Variants in RANBP2 observed in about 807,000 individuals in gnomAD.
RANBP2 encodes E3 SUMO-protein ligase RanBP2.
RANBP2 carries 57 observed loss-of-function variants against 303.6 expected under a neutral mutation model. The observed-to-expected ratio is 0.19, with a 90% CI of 0.15 to 0.23. The LOEUF is 0.23. Among genes scored for constraint, RANBP2 ranks in the 10% least tolerant of loss-of-function variants. The pLI is 1.00. For synonymous variants in RANBP2, 1,167 were observed against 1,301.5 expected (o/e 0.90, Z 2.23); for missense variants, 3,138 against 3,780.8 (o/e 0.83, Z 4.46).
At chr2:109,130,385 T>C in the RANBP2 span, among the ~76,000 whole-genome samples, 2 of 152,222 alleles carry the variant, frequency 1.3e-5, no homozygotes, top group Admixed American at 6.5e-5. Context: ...CCGGACTTGT[T>C]ACCCTGCCTC....
chr2:108,736,896 T>A (rs2149134446), intron 6 of RANBP2, among the ~76,000 whole-genome samples: 1 of 152,228 alleles, frequency 6.6e-6, no homozygotes, highest in Non-Finnish European at 1.5e-5. Context: ...GAATGCAGCA[T>A]GCCTCTGTTT....
At chr2:109,340,601 C>G in the RANBP2 span, among the ~76,000 whole-genome samples, 22 of 152,202 alleles carry the variant, frequency 1.4e-4, no homozygotes, top group Admixed American at 1.3e-4. Context: ...AAGCATCTGC[C>G]TTTCCTGGCC....
chr2:109,472,125 AAT>A, the RANBP2 span, among the ~76,000 whole-genome samples: 1 of 152,236 alleles, frequency 6.6e-6, no homozygotes, highest in Non-Finnish European at 1.5e-5. Context: ...TTAATTAGTT[AAT>A]ATGATTAACA....
chr2:109,020,319 T>C, the RANBP2 span, among the ~76,000 whole-genome samples: 1 of 152,098 alleles, frequency 6.6e-6, no homozygotes, highest in Non-Finnish European at 1.5e-5. Flanking sequence ...ACAGGCACCT[T>C]ATGATAACCC....
chr2:109,500,419 G>A, the RANBP2 span, among the ~76,000 whole-genome samples: 20,832 of 152,106 alleles, frequency 0.14, 1,555 homozygotes, highest in East Asian at 0.21. Context: ...GGTCCCTGCA[G>A]GCGGAGGCCA....
At chr2:108,927,093 C>G in the RANBP2 span, among the ~76,000 whole-genome samples, 224 of 152,318 alleles carry the variant, frequency 1.5e-3, 1 homozygote, top group African/African-American at 5.1e-3. Context: ...AGGCTTTGAG[C>G]AGACACAGCA....
chr2:109,175,403 G>A, the RANBP2 span, among the ~76,000 whole-genome samples: 2 of 152,348 alleles, frequency 1.3e-5, no homozygotes, highest in Non-Finnish European at 2.9e-5. Context: ...AGGCACACTT[G>A]GAAATAAATG....
chr2:109,030,678 T>A, the RANBP2 span, among the ~76,000 whole-genome samples: 1 of 152,178 alleles, frequency 6.6e-6, no homozygotes, highest in African/African-American at 2.4e-5. Context: ...CCCTCAGGCA[T>A]CTGAATTTTT....
In RANBP2 at chr2:108,766,183, T is replaced by C; in HGVS notation, c.5644T>C (p.Phe1882Leu). 1 of 1,612,332 alleles carries C rather than the reference T, an allele frequency of 6.2e-7. No individual in the cohort carries two copies. The stretch of plus-strand genomic sequence containing the variant: ...GTTTCAGGGTTCTTCTAATACAGAA[T>C]TTAAGTCAACCAAAGAAGGATTTTC... ...FMFQGSSNTE[F>L]KSTKEGFSIP... Residue 1882 changes from phenylalanine to leucine, a missense_variant, in exon 20 of 29, where the codon TTT (phenylalanine) becomes CTT (leucine). By Grantham distance (22) the Phe-to-Leu change is conservative. Around this residue, in one of 20 missense-constraint regions of RANBP2, gnomAD observed 348 missense variants for 360.4 expected, o/e 0.97. Transcript: ENST00000283195.
the RANBP2 span, among the ~76,000 whole-genome samples, chr2:109,099,745 A>G: frequency 6.6e-6 from 1 of 152,140 alleles, no homozygotes; most frequent in Non-Finnish European, 1.5e-5. Flanking sequence ...AGGAGTCCAC[A>G]TCGTTTTTGC....
chr2:109,491,076 G>T, the RANBP2 span: 2 of 773,452 alleles, frequency 2.6e-6, no homozygotes, highest in Non-Finnish European at 3.7e-6. Context: ...GATCCACATG[G>T]TCCCGAGCTT....
chr2:108,871,996 C>T, the RANBP2 span, among the ~76,000 whole-genome samples: 3 of 152,112 alleles, frequency 2.0e-5, no homozygotes, highest in African/African-American at 7.2e-5. Context: ...TTTAATTCCC[C>T]TCTCTCACAC....
the RANBP2 span, among the ~76,000 whole-genome samples, chr2:109,563,114 T>A: frequency 6.6e-6 from 1 of 152,156 alleles, no homozygotes; most frequent in East Asian, 1.9e-4. Context: ...TTTCACCATG[T>A]TGGCCAGGCT....
chr2:109,774,530 AT>A, the RANBP2 span, among the ~76,000 whole-genome samples: 16 of 90,918 alleles, frequency 1.8e-4, 2 homozygotes, highest in African/African-American at 9.7e-4. Context: ...TATTATATAT[AT>A]TATATATAAA....
At chr2:108,881,183 TCA>T in the RANBP2 span, among the ~76,000 whole-genome samples, 20 of 152,352 alleles carry the variant, frequency 1.3e-4, no homozygotes, top group African/African-American at 4.8e-4. Context: ...TGGTCTTACC[TCA>T]GTCTTGTGGA....
At chr2:109,493,944 G>T in the RANBP2 span, among the ~76,000 whole-genome samples, 2 of 152,052 alleles carry the variant, frequency 1.3e-5, no homozygotes, top group Non-Finnish European at 2.9e-5. Flanking sequence ...CTCCTAAGGA[G>T]TCTCCTCCGC....
chr2:108,952,657 T>C, the RANBP2 span, among the ~76,000 whole-genome samples: 2 of 152,226 alleles, frequency 1.3e-5, no homozygotes, highest in Non-Finnish European at 2.9e-5. Flanking sequence ...TTAATATGAG[T>C]TATTCTAAAG....
the RANBP2 span, among the ~76,000 whole-genome samples, chr2:109,153,782 C>T: frequency 4.6e-5 from 7 of 152,170 alleles, no homozygotes; most frequent in Admixed American, 3.9e-4. Context: ...TAACCACCCC[C>T]CGACCCCCGA....
At chr2:108,865,832 A>G in the RANBP2 span, among the ~76,000 whole-genome samples, 2 of 152,148 alleles carry the variant, frequency 1.3e-5, no homozygotes, top group East Asian at 1.9e-4. Flanking sequence ...CGGGGTGGCT[A>G]TAGTGATCAA....
Sources: gnomAD v4.1 joint callset for allele counts (sites outside exome capture counted in the v4.1 genomes callset) on GRCh38, gnomAD v4.1.1 for gene constraint, gnomAD v4.1.1 regional missense constraint, MANE v1.5 for transcripts, NCBI Gene and HGNC (gene_info 2026-07-23, HGNC 2026-07-21) for gene names.